The following CNTN5 variants were observed in gnomAD, a reference collection of about 807,000 sequenced individuals.
CNTN5 encodes contactin 5, also known as contactin-5.
Under a neutral mutation model 129.1 loss-of-function variants are expected in CNTN5, and 77 were observed. The ratio of observed to expected loss-of-function variants is 0.60; its 90% CI spans 0.50 to 0.72. The LOEUF (loss-of-function observed/expected upper bound fraction) is 0.72, where lower values mean the gene tolerates loss of function less well. Ranked by LOEUF, CNTN5 falls within the 30% of genes least tolerant of loss-of-function variation. The pLI is 0.00. For synonymous variants in CNTN5, 509 were observed against 465.6 expected, an observed-to-expected ratio of 1.09 and a Z score of -1.20; for missense variants, 1,478 against 1,328.8, an observed-to-expected ratio of 1.11 and a Z score of -1.75.
At chr11:99,831,697 C>T (rs1216988500) in intron 4 of CNTN5, among the ~76,000 whole-genome samples, 1 of 152,068 alleles carries the variant, frequency 6.6e-6, no homozygotes, top group Non-Finnish European at 1.5e-5. Flanking sequence ...CATCAGTTGT[C>T]TTATAAAATC....
intron 17 of CNTN5, 26 bp downstream of exon 17, chr11:100,255,944 A>C (rs1184241300): frequency 8.7e-6 from 14 of 1,608,394 alleles, no homozygotes; most frequent in African/African-American, 2.7e-5. Flanking sequence ...GCAACATCAG[A>C]TATAACCAGA....
intron 3 of CNTN5, among the ~76,000 whole-genome samples, chr11:99,694,510 G>A (rs1017260696): frequency 5.9e-5 from 9 of 152,058 alleles, no homozygotes; most frequent in African/African-American, 1.9e-4. Flanking sequence ...ACTAAAATAC[G>A]TAGTCACCAC....
chr11:99,798,623 G>A (rs979230239), intron 3 of CNTN5, among the ~76,000 whole-genome samples: 3 of 151,964 alleles, frequency 2.0e-5, no homozygotes, highest in Admixed American at 1.3e-4. Flanking sequence ...CCATTGATTT[G>A]TGTGTCTGTT....
At chr11:99,127,701 C>T (rs943953617) in intron 1 of CNTN5, among the ~76,000 whole-genome samples, 1 of 152,164 alleles carries the variant, frequency 6.6e-6, no homozygotes, top group Admixed American at 6.5e-5. Flanking sequence ...CACTGCCCCA[C>T]CCTTCACTCA....
At chr11:99,616,566 T>C (rs978567044) in intron 3 of CNTN5, among the ~76,000 whole-genome samples, 1 of 152,224 alleles carries the variant, frequency 6.6e-6, no homozygotes, top group African/African-American at 2.4e-5. Flanking sequence ...TATTTTCTTA[T>C]AATCTAGTAG....
chr11:99,468,157 C>A (rs1945018094), intron 2 of CNTN5, among the ~76,000 whole-genome samples: 1 of 152,112 alleles, frequency 6.6e-6, no homozygotes, highest in Admixed American at 6.5e-5. Context: ...GTTTATTATG[C>A]ATGTTGGGTG....
intron 3 of CNTN5, among the ~76,000 whole-genome samples, chr11:99,779,094 A>C (rs1040676867): frequency 1.3e-5 from 2 of 151,804 alleles, no homozygotes; most frequent in African/African-American, 4.8e-5. Context: ...ACATTTCCTT[A>C]ATCTATAGAC....
intron 1 of CNTN5, among the ~76,000 whole-genome samples, chr11:99,296,379 CT>C (rs1864392082): frequency 6.6e-6 from 1 of 152,146 alleles, no homozygotes; most frequent in African/African-American, 2.4e-5. Context: ...AAGATCCAAT[CT>C]TCAGGTTCTA....
chr11:99,619,924 G>T (rs1034828522), intron 3 of CNTN5, among the ~76,000 whole-genome samples: 18 of 150,382 alleles, frequency 1.2e-4, no homozygotes, highest in Non-Finnish European at 2.2e-4. Flanking sequence ...TACTCGGAAG[G>T]CTGAGGCAGG....
chr11:99,715,198 A>G (rs376642723), intron 3 of CNTN5, among the ~76,000 whole-genome samples: 12 of 152,042 alleles, frequency 7.9e-5, no homozygotes, highest in African/African-American at 2.9e-4. Context: ...AGCTGAATAA[A>G]AGAGAGTGAA....
intron 3 of CNTN5, among the ~76,000 whole-genome samples, chr11:99,721,649 TAA>T (rs1943177617): frequency 6.6e-6 from 1 of 152,044 alleles, no homozygotes; most frequent in African/African-American, 2.4e-5. Context: ...TACTTAAACT[TAA>T]GAGTTTCTGC....
intron 15 of CNTN5, among the ~76,000 whole-genome samples, chr11:100,218,412 T>A (rs1949188836): frequency 6.6e-6 from 1 of 152,216 alleles, no homozygotes; most frequent in Non-Finnish European, 1.5e-5. Context: ...CCTCGATATT[T>A]ATCTCAAAGA....
intron 3 of CNTN5, among the ~76,000 whole-genome samples, chr11:99,786,036 A>G (rs1945509506): frequency 6.6e-6 from 1 of 152,138 alleles, no homozygotes; most frequent in Non-Finnish European, 1.5e-5. Context: ...AATAAAGGGC[A>G]TTGAAATAGG....
Position 99,673,165 on chromosome 11 carries a change from G to A in CNTN5, c.55+116896G>A, listed in dbSNP as rs553513795. Among the ~76,000 whole-genome samples the A allele has an allele frequency of 2.2e-4, 33 of 152,292 alleles. 2 individuals carry two copies. In the Middle Eastern group the frequency reaches 0.014, roughly 63 times the overall value. ...CCCAACTCAATACCATGCTATGCTT[G>A]TAGCTGTAACTCCAGTTACAGATCT... On this transcript the variant is annotated intron_variant, in intron 3 of 24. Transcript: ENST00000524871.
chr11:99,134,315 G>C (rs1859108706), intron 1 of CNTN5, among the ~76,000 whole-genome samples: 1 of 152,076 alleles, frequency 6.6e-6, no homozygotes, highest in Non-Finnish European at 1.5e-5. Context: ...ATAACACTTA[G>C]GTGATGGGTT....
At chr11:100,092,131 A>G (rs962526357) in intron 13 of CNTN5, among the ~76,000 whole-genome samples, 5 of 152,050 alleles carry the variant, frequency 3.3e-5, no homozygotes, top group African/African-American at 1.2e-4. Flanking sequence ...TTGAATCAGA[A>G]GGTTGTAAGC....
intron 6 of CNTN5, among the ~76,000 whole-genome samples, chr11:99,914,180 T>A (rs1425208331): frequency 2.6e-5 from 4 of 151,994 alleles, no homozygotes; most frequent in African/African-American, 9.7e-5. Context: ...CAGACTGCAG[T>A]GAGTTATGAT....
intron 2 of CNTN5, among the ~76,000 whole-genome samples, chr11:99,481,875 T>C (rs548991137): frequency 6.6e-6 from 1 of 152,350 alleles, no homozygotes; most frequent in Admixed American, 6.5e-5. Context: ...CTGTTATATT[T>C]CTATATCTCC....
intron 1 of CNTN5, among the ~76,000 whole-genome samples, chr11:99,123,398 G>A (rs904458917): frequency 1.3e-5 from 2 of 151,714 alleles, no homozygotes; most frequent in Admixed American, 1.3e-4. Context: ...GGGTTTGTTT[G>A]TTTTTTGCTT....
Sources: allele counts gnomAD v4.1 joint callset (sites outside exome capture counted in the v4.1 genomes callset), GRCh38; gene constraint gnomAD v4.1.1; transcripts MANE v1.5; gene names NCBI Gene and HGNC (gene_info 2026-07-23, HGNC 2026-07-21).